The following CHRNB4 variants were observed in gnomAD, a reference collection of about 807,000 sequenced individuals.
CHRNB4 encodes the protein neuronal acetylcholine receptor subunit beta-4.
In CHRNB4, 23 loss-of-function variants were observed where a neutral mutation model predicts 40.4. That is an observed-to-expected ratio of 0.57 (90% CI 0.41 to 0.81). The LOEUF (loss-of-function observed/expected upper bound fraction) is 0.81, where lower values mean the gene tolerates loss of function less well. CHRNB4 is among the 30% of genes least tolerant of loss of function. The pLI is 0.00. For missense variants in CHRNB4, 568 were observed against 670.6 expected (o/e 0.85, Z 1.69); for synonymous variants, 285 against 274.4 (o/e 1.04, Z -0.38).
chr15:78,624,767 A>G lies in CHRNB4; in HGVS notation c.*366T>C, dbSNP rs71534218. On this transcript the variant is annotated 3_prime_UTR_variant, in exon 6 of 6. Transcript: ENST00000261751. ...GGGAAGAATCTAGAAGTGTGTGAGGAACTGGACAAGGGGAAGTGGAGAGAG... is the reference window on the plus strand; with the variant it reads ...GGGAAGAATCTAGAAGTGTGTGAGGGACTGGACAAGGGGAAGTGGAGAGAG... 9.6e-3 allele frequency: 4,836 copies of G among 506,326 alleles called. 197 individuals carry two copies. The highest frequency in any genetic ancestry group is 0.083 in the African/African-American group (4,330 of 52,418). 31.4% of individuals were successfully genotyped at this position (506,326 alleles called of 1,614,324 possible).
chr15:78,647,706 A>AG (rs1405454040), intron 7 of CHRNB4, among the ~76,000 whole-genome samples: 3 of 149,336 alleles, frequency 2.0e-5, no homozygotes, highest in African/African-American at 7.4e-5. Context: ...AAAAAAAAAA[A>AG]AAAATTAGCC....
chr15:78,638,648 G>A (rs918691287), intron 1 of CHRNB4, among the ~76,000 whole-genome samples: 28 of 152,104 alleles, frequency 1.8e-4, no homozygotes, highest in African/African-American at 6.8e-4. Flanking sequence ...GTGCACTGAA[G>A]GGTGGGAATA....
intron 1 of CHRNB4, among the ~76,000 whole-genome samples, chr15:78,640,663 C>G (rs1231538657): frequency 6.6e-6 from 1 of 152,220 alleles, no homozygotes; most frequent in Non-Finnish European, 1.5e-5. Flanking sequence ...TCTGCACCCA[C>G]GCTTCAAGAA....
rs777861263 is a variant in CHRNB4, at chr15:78,629,207, G to A, written c.1098C>T (p.Cys366=). The change falls in exon 5 of 6, where the codon TGC becomes TGT. Residue 366 remains cysteine (C), a synonymous_variant. Transcript: ENST00000261751. The surrounding 1 kb of genome is among the most constrained non-coding windows in gnomAD (Gnocchi z 6.8). The stretch of plus-strand genomic sequence containing the variant: ...TGGCGGTGGCCTCGGGCTTGGTCAC[G>A]CATGACTTGCTGGGCGGGAAGGCTC... ...PARAFPPSKS[C]VTKPEATATS... 5 of 1,613,668 alleles carry A rather than the reference G, an allele frequency of 3.1e-6. No individual in the cohort carries two copies. In the African/African-American group the frequency reaches 4.0e-5, roughly 13 times the overall value.
chr15:78,639,660 C>T (rs532683103), intron 1 of CHRNB4, among the ~76,000 whole-genome samples: 27 of 152,126 alleles, frequency 1.8e-4, no homozygotes, highest in Non-Finnish European at 3.5e-4. Context: ...ACTATTAGTG[C>T]TTCTTCAATC....
At chr15:78,646,784 T>A (rs2054126698) in intron 7 of CHRNB4, among the ~76,000 whole-genome samples, 1 of 152,202 alleles carries the variant, frequency 6.6e-6, no homozygotes, top group South Asian at 2.1e-4. Context: ...GATTTCAACA[T>A]ATAAATTTAG....
At position 78,652,266 on chromosome 15, in the gene CHRNB4, C is replaced by T. The variant is rs1359116241; in HGVS notation, c.-16+312G>A. Among the ~76,000 whole-genome samples the T allele has an allele frequency of 4.6e-5, 7 of 152,212 alleles. No homozygotes were observed. The East Asian group carries it at 1.2e-3, about 25-fold the overall frequency. On this transcript the variant is annotated intron_variant and NMD_transcript_variant, in intron 6 of 11. Coordinates refer to the CHRNB4 transcript ENST00000559849. The stretch of plus-strand genomic sequence containing the variant: ...TTTCCACCTGTGTGCCTCAGTGTGC[C>T]TCAAGGCTGAACCTCAACCTTCGCT...
chr15:78,629,312 G>A lies in CHRNB4; in HGVS notation c.993C>T (p.Pro331=), dbSNP rs2053738687. 1 of 1,613,832 alleles carries A rather than the reference G, an allele frequency of 6.2e-7. No individual in the cohort carries two copies. Among genetic ancestry groups the A allele is most frequent in the African/African-American group, 1.3e-5 (1 of 74,898 alleles). ...HRSPSTHTMA[P]WVKRCFLHKL... ...TGTGCAGGAAGCAGCGCTTGACCCAGGGTGCCATGGTGTGGGTGCTGGGCG... is the reference window on the plus strand; with the variant it reads ...TGTGCAGGAAGCAGCGCTTGACCCAAGGTGCCATGGTGTGGGTGCTGGGCG... Residue 331 remains proline (P), a synonymous_variant, in exon 5 of 6, where the codon CCC becomes CCT. Transcript: ENST00000261751. This position sits in a 1 kb window ranked among gnomAD's most constrained non-coding sequence, Gnocchi z 6.8.
At chr15:78,626,572 CAGGGCAAGAAACTAGGA>C (rs2053666114) in intron 5 of CHRNB4, 2 of 152,252 alleles carry the variant, frequency 1.3e-5, no homozygotes, top group African/African-American at 4.8e-5. Flanking sequence ...GTGCTCAGTG[CAGGGCAAGAAACTAGGA>C]AGGGCAAGAA....
intron 6 of CHRNB4, among the ~76,000 whole-genome samples, chr15:78,652,288 C>T (rs2054179170): frequency 1.3e-5 from 2 of 152,340 alleles, no homozygotes; most frequent in Middle Eastern, 3.4e-3. Context: ...CCTCAACCTT[C>T]GCTGGCTGCT....
intron 3 of CHRNB4, 42 bp from the exon 4 acceptor site, chr15:78,631,227 C>A (rs746362829): frequency 1.2e-6 from 2 of 1,612,884 alleles, no homozygotes; most frequent in Non-Finnish European, 1.7e-6. Context: ...AGGTCCACTG[C>A]CACCAAAGGG....
intron 6 of CHRNB4, among the ~76,000 whole-genome samples, chr15:78,652,270 AG>A (rs1469486541): frequency 6.6e-6 from 1 of 152,172 alleles, no homozygotes; most frequent in Non-Finnish European, 1.5e-5. Flanking sequence ...GTGTGCCTCA[AG>A]GCTGAACCTC....
intron 2 of CHRNB4, among the ~76,000 whole-genome samples, chr15:78,631,549 A>C (rs910247082): frequency 6.6e-6 from 1 of 152,204 alleles, no homozygotes; most frequent in African/African-American, 2.4e-5. Flanking sequence ...TCATTGTCTC[A>C]GTGAATGGCA....
At chr15:78,653,882 C>A (rs915065573) in intron 5 of CHRNB4, among the ~76,000 whole-genome samples, 2 of 152,182 alleles carry the variant, frequency 1.3e-5, no homozygotes, top group Non-Finnish European at 2.9e-5. Flanking sequence ...TGAACCCTCT[C>A]CCATTCTTAA....
chr15:78,635,519 T>C lies in CHRNB4; in HGVS notation c.124A>G (p.Asn42Asp), dbSNP rs138297812. The C allele has an allele frequency of 3.4e-5, 55 of 1,613,996 alleles. No individual in the cohort carries two copies. The highest frequency in any genetic ancestry group is 1.6e-4 in the Middle Eastern group (1 of 6,082). Residue 42 changes from asparagine to aspartate, a missense_variant, in exon 2 of 6, where the codon AAC becomes GAC. Transcript: ENST00000261751. ...DDLLNKTRYN[N>D]LIRPATSSSQ... ...GAGCTGGTGGCTGGGCGGATCAGGT[T>C]ATTGTAACGGGTTTTGTTCAGAAGG... is the stretch of plus-strand genomic sequence containing the variant.
chr15:78,625,377 G>T (rs1206667901), intron 5 of CHRNB4, 86 bp from the exon 6 acceptor site: 19 of 1,274,312 alleles, frequency 1.5e-5, no homozygotes, highest in Non-Finnish European at 2.1e-5. Flanking sequence ...CTCTGGCCAG[G>T]GACTCCACAG....
Position 78,629,386 on chromosome 15 carries a change from T to C in CHRNB4, c.919A>G (p.Thr307Ala). ...CAGACGCTGGTGACGATGGAGAAGGTGACCAGCACCATGGTGAACATGAGG... is the reference window on the plus strand; with the variant it reads ...CAGACGCTGGTGACGATGGAGAAGGCGACCAGCACCATGGTGAACATGAGG... ...KYLMFTMVLV[T>A]FSIVTSVCVL... The change falls in exon 5 of 6, where the codon ACC becomes GCC. Residue 307 changes from threonine to alanine, a missense_variant. By Grantham distance (58) the Thr-to-Ala change is moderately conservative. Around this residue, in one of 4 missense-constraint regions of CHRNB4, gnomAD observed 242 missense variants for 274.9 expected, o/e 0.88. Transcript: ENST00000261751. The surrounding 1 kb of genome is among the most constrained non-coding windows in gnomAD (Gnocchi z 6.8). 1.2e-6 allele frequency: 2 copies of C among 1,614,032 alleles called. No homozygotes were observed. Among genetic ancestry groups the C allele is most frequent in the African/African-American group, 2.7e-5 (2 of 74,978 alleles).
At chr15:78,635,068 A>C (rs2141384356) in intron 2 of CHRNB4, among the ~76,000 whole-genome samples, 1 of 152,188 alleles carries the variant, frequency 6.6e-6, no homozygotes, top group Middle Eastern at 3.4e-3. Flanking sequence ...TTCTCCCAAC[A>C]AGTAAGAAGC....
intron 5 of CHRNB4, among the ~76,000 whole-genome samples, chr15:78,655,025 GTTGT>G (rs1165231675): frequency 2.0e-5 from 3 of 152,148 alleles, no homozygotes; most frequent in African/African-American, 4.8e-5. Flanking sequence ...CTTGATTAGT[GTTGT>G]TTGTGTTCAC....
Sources: gnomAD v4.1 joint callset for allele counts (sites outside exome capture counted in the v4.1 genomes callset) on GRCh38, gnomAD v4.1.1 for gene constraint, gnomAD v4.1.1 regional missense constraint, Gnocchi (gnomAD v3.1) non-coding constraint, MANE v1.5 for transcripts, NCBI Gene and HGNC (gene_info 2026-07-23, HGNC 2026-07-21) for gene names.